The following KIF1B variants were observed in gnomAD, a reference collection of about 807,000 sequenced individuals.
The protein encoded by KIF1B is kinesin-like protein KIF1B.
In KIF1B, 76 loss-of-function variants were observed where a neutral mutation model predicts 241.9. That is an observed-to-expected ratio of 0.31 (90% CI 0.26 to 0.38). KIF1B has a LOEUF of 0.38. Among genes scored for constraint, KIF1B ranks in the 10% least tolerant of loss-of-function variants. The probability of loss-of-function intolerance (pLI) is 1.00; values close to 1 mark genes in which losing one functional copy is unlikely to be tolerated. For missense variants in KIF1B, 1,622 were observed against 2,271.4 expected (o/e 0.71, Z 5.81); for synonymous variants, 750 against 796.7 (o/e 0.94, Z 0.99).
In KIF1B at chr1:10,370,245, G is replaced by A. The variant is rs187373836; in HGVS notation, c.4825-896G>A. On this transcript the variant is annotated intron_variant, in intron 44 of 48. Coordinates refer to ENST00000676179, the MANE Select transcript of KIF1B (RefSeq NM_001365951.3). ...AGTCTGGGTGACAGAGCGAGACTTCGTCTCTCCAAAAATAAATAAAGATAA... is the reference window on the plus strand; with the variant it reads ...AGTCTGGGTGACAGAGCGAGACTTCATCTCTCCAAAAATAAATAAAGATAA... Among the ~76,000 whole-genome samples the A allele has an allele frequency of 6.7e-3, 1,012 of 150,636 alleles. 9 individuals carry two copies. The highest frequency in any genetic ancestry group is 0.011 in the Non-Finnish European group (722 of 67,590).
intron 26 of KIF1B, among the ~76,000 whole-genome samples, chr1:10,325,594 C>CT (rs1651694998): frequency 6.6e-6 from 1 of 152,174 alleles, no homozygotes; most frequent in Non-Finnish European, 1.5e-5. Context: ...TGAAGTAAAT[C>CT]TTTTCCACTC....
At chr1:10,232,175 T>G (rs1408971978) in intron 1 of KIF1B, 75 bp from the exon 2 acceptor site, 1 of 630,170 alleles carries the variant, frequency 1.6e-6, no homozygotes, top group African/African-American at 1.8e-5. Flanking sequence ...ACTAAGATAG[T>G]AGTTCTTATG....
chr1:10,353,684 T>C (rs954286913), intron 38 of KIF1B, among the ~76,000 whole-genome samples: 6 of 152,334 alleles, frequency 3.9e-5, no homozygotes, highest in Admixed American at 3.9e-4. Context: ...CAGGATTAAT[T>C]TCTTTCTGTT....
At chr1:10,222,329 GAGA>G (rs1646856003) in intron 1 of KIF1B, among the ~76,000 whole-genome samples, 1 of 152,116 alleles carries the variant, frequency 6.6e-6, no homozygotes, top group Admixed American at 6.6e-5. Flanking sequence ...GTGGCTAGTG[GAGA>G]AGAAGGCTTA....
At chr1:10,340,518 T>C (rs1652352582) in intron 32 of KIF1B, among the ~76,000 whole-genome samples, 1 of 152,236 alleles carries the variant, frequency 6.6e-6, no homozygotes, top group Non-Finnish European at 1.5e-5. Flanking sequence ...ATAATCCCTG[T>C]GTTAGCTGAG....
chr1:10,355,603 GCTAAA>G (rs1233303438), intron 38 of KIF1B, among the ~76,000 whole-genome samples: 1 of 152,024 alleles, frequency 6.6e-6, no homozygotes, highest in Admixed American at 6.6e-5. Context: ...CATTCCATTT[GCTAAA>G]CTTGTCAGTT....
intron 40 of KIF1B, 31 bp downstream of exon 40, chr1:10,361,856 G>A (rs1461106907): frequency 6.2e-7 from 1 of 1,611,332 alleles, no homozygotes; most frequent in Admixed American, 1.7e-5. Flanking sequence ...AGCTTCCAGT[G>A]TGTTTGTTCA....
At chr1:10,306,710 A>T (rs187140427) in intron 22 of KIF1B, 1 of 882,292 alleles carries the variant, frequency 1.1e-6, no homozygotes, top group Non-Finnish European at 1.4e-6. Context: ...CTTGCCTATG[A>T]ATAGCCAGTG....
chr1:10,236,394 C>T (rs12136376), intron 2 of KIF1B, among the ~76,000 whole-genome samples: 40,558 of 152,062 alleles, frequency 0.27, 5,612 homozygotes, highest in Admixed American at 0.32. Context: ...TAATGGTACT[C>T]CTACCCTCAG....
In KIF1B at chr1:10,374,568, C is replaced by G. The variant is rs1022501072; in HGVS notation, c.5096+103C>G. ...GTGAGGTCTGTACTGTAGTCTGATG[C>G]AATCTGTACTGTAGTCTGATGCAAG... On this transcript the variant is annotated intron_variant, in intron 46 of 48. Transcript: ENST00000676179. This position sits in a 1 kb window ranked among gnomAD's most constrained non-coding sequence, Gnocchi z 4.3. The G allele has an allele frequency of 1.4e-5, 18 of 1,327,988 alleles. No individual in the cohort carries two copies. The East Asian group carries it at 3.5e-4, about 26-fold the overall frequency. The allele number at this position is 1,327,988 out of a possible 1,614,324, so 82.3% of individuals were successfully genotyped here.
At chr1:10,295,607 G>A (rs1356228309) in intron 18 of KIF1B, 53 bp from the exon 19 acceptor site, 39 of 1,480,548 alleles carry the variant, frequency 2.6e-5, no homozygotes, top group Non-Finnish European at 2.5e-5. Flanking sequence ...TTCATTGTTT[G>A]TAGTGCTTTC....
rs1638832382 is a variant in KIF1B at position 10,374,538 on chromosome 1, TC to T, written c.5096+76del. The T allele has an allele frequency of 1.3e-6, 2 of 1,514,514 alleles. No homozygotes were observed. The allele number at this position is 1,514,514 out of a possible 1,614,324, so 93.8% of individuals were successfully genotyped here. A position where few individuals can be genotyped will look rare whatever the true frequency, so the allele number is the denominator to read the frequency against. ...CAGGAAGAAGTGACTGGCCAGCTCT[TC>T]CCTGTGAGGTCTGTACTGTAGTCTG... On this transcript the variant is annotated intron_variant, in intron 46 of 48. Coordinates refer to ENST00000676179, the MANE Select transcript of KIF1B (RefSeq NM_001365951.3). This position sits in a 1 kb window ranked among gnomAD's most constrained non-coding sequence, Gnocchi z 4.3.
chr1:10,348,389 A>G (rs1175546655), intron 36 of KIF1B, among the ~76,000 whole-genome samples: 4 of 152,212 alleles, frequency 2.6e-5, no homozygotes, highest in Non-Finnish European at 5.9e-5. Context: ...ATCTCCTGTG[A>G]CAGATTATGG....
chr1:10,374,803 G>T lies in KIF1B; in HGVS notation c.5097-51G>T, dbSNP rs1437176043. The T allele has an allele frequency of 1.3e-6, 2 of 1,559,046 alleles. No individual in the cohort carries two copies. Among genetic ancestry groups the T allele is most frequent in the Admixed American group, 3.3e-5 (2 of 59,792 alleles). ...GGCGTATTTTGATGGTCCTCAGCACGATTATTTTCTTTTTGTGAGAAACTA... is the reference window on the plus strand; with the variant it reads ...GGCGTATTTTGATGGTCCTCAGCACTATTATTTTCTTTTTGTGAGAAACTA... On this transcript the variant is annotated intron_variant, in intron 46 of 48. Coordinates refer to ENST00000676179, the MANE Select transcript of KIF1B (RefSeq NM_001365951.3). This position sits in a 1 kb window ranked among gnomAD's most constrained non-coding sequence, Gnocchi z 4.3.
chr1:10,378,697 C>T lies in KIF1B; in HGVS notation c.*2110C>T. 2.3e-6 allele frequency: 1 copy of T among 437,660 alleles called. No individual in the cohort carries two copies. The highest frequency in any genetic ancestry group is 4.2e-6 in the Non-Finnish European group (1 of 239,564). 27.1% of individuals were successfully genotyped at this position (437,660 alleles called of 1,614,324 possible). ...CTAGGGAGACTTGTGTCATCATCCA[C>T]AACCTTGTTTCTCACTTCCTGGTTG... is the stretch of plus-strand genomic sequence containing the variant. On this transcript the variant is annotated 3_prime_UTR_variant, in exon 49 of 49. Coordinates refer to ENST00000676179, the MANE Select transcript of KIF1B (RefSeq NM_001365951.3).
At position 10,378,686 on chromosome 1, in the gene KIF1B, G is replaced by T; in HGVS notation, c.*2099G>T. 1 of 463,228 alleles carries T rather than the reference G, an allele frequency of 2.2e-6. No homozygotes were observed. The highest frequency in any genetic ancestry group is 3.6e-5 in the East Asian group (1 of 27,488). 28.7% of individuals were successfully genotyped at this position (463,228 alleles called of 1,614,324 possible). ...CAGAGTTGTTGCTAGGGAGACTTGTGTCATCATCCACAACCTTGTTTCTCA... is the reference window on the plus strand; with the variant it reads ...CAGAGTTGTTGCTAGGGAGACTTGTTTCATCATCCACAACCTTGTTTCTCA... On this transcript the variant is annotated 3_prime_UTR_variant, in exon 49 of 49. Transcript: ENST00000676179.
chr1:10,259,221 C>A (rs76701236), intron 4 of KIF1B, among the ~76,000 whole-genome samples: 2,801 of 149,418 alleles, frequency 0.019, 39 homozygotes, highest in Non-Finnish European at 0.028. Flanking sequence ...AATGAAGAAG[C>A]GTTCTGACAT....
At chr1:10,265,192 A>T (rs536072819) in intron 5 of KIF1B, among the ~76,000 whole-genome samples, 2 of 149,124 alleles carry the variant, frequency 1.3e-5, no homozygotes, top group South Asian at 4.2e-4. Flanking sequence ...TTAATTTTTT[A>T]AAATGGATTT....
Position 10,324,839 on chromosome 1 carries a change from T to A in KIF1B, c.2619T>A (p.Thr873=), listed in dbSNP as rs1651668025. 24 of 1,614,056 alleles carry A rather than the reference T, an allele frequency of 1.5e-5. No individual in the cohort carries two copies. Among genetic ancestry groups the A allele is most frequent in the Non-Finnish European group, 1.9e-5 (23 of 1,180,040 alleles). Residue 873 remains threonine (T), a synonymous_variant, in exon 26 of 49, where the codon ACT becomes ACA. Transcript: ENST00000676179. ...GTGCCCAAGACGAAAGCGAAACCAC[T>A]GTGACTGGCAGCGATCCCTTCTATG... ...ASSAQDESET[T]VTGSDPFYDR...
Sources: allele counts gnomAD v4.1 joint callset (sites outside exome capture counted in the v4.1 genomes callset), GRCh38; gene constraint gnomAD v4.1.1; non-coding constraint Gnocchi (gnomAD v3.1); transcripts MANE v1.5; gene names NCBI Gene and HGNC (gene_info 2026-07-23, HGNC 2026-07-21).